The following SLC38A8 variants were observed in gnomAD, a reference collection of about 807,000 sequenced individuals.
The protein encoded by SLC38A8 is amino acid transporter SLC38A8.
SLC38A8 carries 65 observed loss-of-function variants against 46.0 expected under a neutral mutation model. That is an observed-to-expected ratio of 1.41 (90% CI 1.16 to 1.74). The LOEUF is 1.74. Among genes scored for constraint, SLC38A8 ranks in the 40% most tolerant of loss-of-function variants. SLC38A8 has a pLI of 0.00. For synonymous variants in SLC38A8, 447 were observed against 243.7 expected, an observed-to-expected ratio of 1.83 and a Z score of -7.77; for missense variants, 998 against 567.9, an observed-to-expected ratio of 1.76 and a Z score of -7.70.
In SLC38A8 at chr16:84,017,232, G is replaced by A. The variant is rs1289810468; in HGVS notation, c.861C>T (p.Ser287=). 2 of 1,614,120 alleles carry A rather than the reference G, an allele frequency of 1.2e-6. No homozygotes were observed. The highest frequency in any genetic ancestry group is 1.7e-6 in the Non-Finnish European group (2 of 1,180,022). ...GTEVSADVLM[S]YPGNDMVIIV... is the part of the protein sequence containing the mutation. ...TGATGACCATATCATTGCCTGGGTA[G>A]GACATCAAGACGTCAGCAGAAACTT... Residue 287 remains serine (S), a synonymous_variant, in exon 8 of 11, where the codon TCC becomes TCT. Transcript: ENST00000299709.
In SLC38A8 at chr16:84,017,271, C is replaced by T. The variant is rs2085041764; in HGVS notation, c.822G>A (p.Leu274=). ...IYSLTGVYGF[L]TFGTEVSADV... ...CAGCAGAAACTTCTGTCCCAAAAGT[C>T]AGGAAGCCATAAACCCCTGAAGGTG... is the stretch of plus-strand genomic sequence containing the variant. The change falls in exon 8 of 11, where the codon CTG becomes CTA. Residue 274 remains leucine (L), a synonymous_variant. Transcript: ENST00000299709. 6.2e-7 allele frequency: 1 copy of T among 1,614,078 alleles called. No individual in the cohort carries two copies. Among genetic ancestry groups the T allele is most frequent in the Non-Finnish European group, 8.5e-7 (1 of 1,180,024 alleles).
chr16:84,022,610 A>G (rs552053551), intron 7 of SLC38A8, among the ~76,000 whole-genome samples, 165 bp downstream of exon 7: 1 of 152,300 alleles, frequency 6.6e-6, no homozygotes, highest in East Asian at 1.9e-4. Context: ...TTCCTCATCT[A>G]TGAAATGAGG....
At chr16:84,022,666 T>C in intron 7 of SLC38A8, 109 bp downstream of exon 7, 1 of 787,906 alleles carries the variant, frequency 1.3e-6, no homozygotes, top group Non-Finnish European at 2.1e-6. Flanking sequence ...CTCAAAACAT[T>C]GAGTATTGAG....
chr16:84,019,798 G>A lies in SLC38A8; in HGVS notation c.806-2511C>T, dbSNP rs1030874239. ...AGAAACATTCTCATCCCAGAAGAGA[G>A]ACTAAGGCCAAAGGAAAGGAGTAAA... On this transcript the variant is annotated intron_variant, in intron 7 of 10. Transcript: ENST00000299709. Among the ~76,000 whole-genome samples, 4 of 152,208 alleles carry A rather than the reference G, an allele frequency of 2.6e-5. No homozygotes were observed. The South Asian group carries it at 8.3e-4, about 32-fold the overall frequency.
intron 4 of SLC38A8, among the ~76,000 whole-genome samples, chr16:84,032,212 G>A (rs574341555): frequency 6.7e-4 from 102 of 152,160 alleles, no homozygotes; most frequent in African/African-American, 2.1e-3. Context: ...TTTTTGAGAC[G>A]GAGTCTCGCT....
intron 7 of SLC38A8, among the ~76,000 whole-genome samples, chr16:84,021,596 C>T (rs1446584122): frequency 6.6e-6 from 1 of 152,192 alleles, no homozygotes; most frequent in South Asian, 2.1e-4. Context: ...TAAGCCCTCA[C>T]CAGAATCTAG....
intron 7 of SLC38A8, among the ~76,000 whole-genome samples, chr16:84,021,941 C>A (rs1411280698): frequency 6.6e-6 from 1 of 152,052 alleles, no homozygotes; most frequent in Non-Finnish European, 1.5e-5. Context: ...CCAGGTCTCT[C>A]TTCTTCTTCT....
intron 7 of SLC38A8, among the ~76,000 whole-genome samples, chr16:84,020,987 A>G (rs2085088237): frequency 6.6e-6 from 1 of 152,188 alleles, no homozygotes; most frequent in African/African-American, 2.4e-5. Context: ...GTGAGCAGCT[A>G]AGAGTAGCCA....
intron 7 of SLC38A8, among the ~76,000 whole-genome samples, chr16:84,017,534 G>A (rs756604864): frequency 6.6e-5 from 10 of 152,192 alleles, no homozygotes; most frequent in African/African-American, 7.2e-5. Flanking sequence ...CAGAGCTGGT[G>A]CACGGAGCTC....
At position 84,038,167 on chromosome 16, in the gene SLC38A8, C is replaced by T. The variant is rs112999422; in HGVS notation, c.190-1267G>A. On this transcript the variant is annotated intron_variant, in intron 2 of 10. Transcript: ENST00000299709. ...CTCTACTAAAAACACAAAAATTAGC[C>T]AGGCATGGTGGCACATGCCTGTAAT... Among the ~76,000 whole-genome samples the T allele has an allele frequency of 1.7e-3, 255 of 152,142 alleles. 1 individual carries two copies. The highest frequency in any genetic ancestry group is 5.9e-3 in the African/African-American group (244 of 41,534).
At chr16:84,032,949 T>G (rs1205728441) in intron 4 of SLC38A8, among the ~76,000 whole-genome samples, 12 of 58,040 alleles carry the variant, frequency 2.1e-4, no homozygotes, top group African/African-American at 6.3e-4. Flanking sequence ...CATGGGTGGG[T>G]GTGGGTAGGT....
At chr16:84,039,289 G>C (rs528544796) in intron 2 of SLC38A8, among the ~76,000 whole-genome samples, 1 of 152,314 alleles carries the variant, frequency 6.6e-6, no homozygotes, top group South Asian at 2.1e-4. Context: ...TGTTATAGCA[G>C]CCCTAGGAAA....
intron 3 of SLC38A8, 125 bp downstream of exon 3, chr16:84,036,577 G>C: frequency 3.8e-6 from 4 of 1,059,174 alleles, no homozygotes; most frequent in Non-Finnish European, 4.1e-6. Flanking sequence ...ACAAGAGTGT[G>C]GTTTCAGCCT....
At chr16:84,021,407 C>G (rs977162121) in intron 7 of SLC38A8, among the ~76,000 whole-genome samples, 3 of 152,196 alleles carry the variant, frequency 2.0e-5, no homozygotes, top group Admixed American at 2.0e-4. Context: ...AACCCTCAGG[C>G]ATGGACACAG....
At chr16:84,026,686 G>A (rs554508482) in intron 6 of SLC38A8, among the ~76,000 whole-genome samples, 3 of 152,326 alleles carry the variant, frequency 2.0e-5, no homozygotes, top group Admixed American at 6.5e-5. Context: ...AAGGACAGGG[G>A]ATAAAGCGCA....
intron 9 of SLC38A8, among the ~76,000 whole-genome samples, chr16:84,014,047 T>G (rs1431021696): frequency 6.7e-6 from 1 of 149,378 alleles, no homozygotes; most frequent in African/African-American, 2.5e-5. Context: ...AAGGGCTGTG[T>G]GACCACACTC....
At chr16:84,028,916 C>T (rs1227717894) in intron 6 of SLC38A8, among the ~76,000 whole-genome samples, 2 of 152,090 alleles carry the variant, frequency 1.3e-5, no homozygotes, top group Non-Finnish European at 2.9e-5. Context: ...TGACTCTGCC[C>T]CTCTGCCAGG....
At chr16:84,041,548 G>A (rs1251074964) in intron 2 of SLC38A8, among the ~76,000 whole-genome samples, 2 of 152,226 alleles carry the variant, frequency 1.3e-5, no homozygotes, top group Non-Finnish European at 2.9e-5. Context: ...CCTGACCTCA[G>A]GTGATCCGTC....
intron 9 of SLC38A8, among the ~76,000 whole-genome samples, chr16:84,014,383 C>T (rs2084998766): frequency 6.6e-6 from 1 of 151,560 alleles, no homozygotes; most frequent in Non-Finnish European, 1.5e-5. Context: ...GCCACATCCC[C>T]ATCAATGAAA....
Sources: allele counts gnomAD v4.1 joint callset (sites outside exome capture counted in the v4.1 genomes callset), GRCh38; gene constraint gnomAD v4.1.1; transcripts MANE v1.5; gene names NCBI Gene and HGNC (gene_info 2026-07-23, HGNC 2026-07-21).